CEACAM21: variants seen among roughly 807,000 people sequenced by gnomAD.
CEACAM21 encodes CEA cell adhesion molecule 21.
Under a neutral mutation model 33.2 loss-of-function variants are expected in CEACAM21, and 38 were observed. That is an observed-to-expected ratio of 1.14 (90% CI 0.88 to 1.50). The LOEUF is 1.50. Among genes scored for constraint, CEACAM21 ranks in the 40% most tolerant of loss-of-function variants. The pLI is 0.00. For synonymous variants in CEACAM21, 156 were observed against 143.0 expected, an observed-to-expected ratio of 1.09 and a Z score of -0.65; for missense variants, 385 against 364.6, an observed-to-expected ratio of 1.06 and a Z score of -0.46.
chr19:41,551,557 G>C (rs569188569), intron 1 of CEACAM21: 6 of 151,924 alleles, frequency 3.9e-5, no homozygotes, highest in African/African-American at 9.7e-5. Context: ...CCCGTGAAGT[G>C]GGGGAGGAGG....
Position 41,577,459 on chromosome 19 carries a change from T to C in CEACAM21, c.324T>C (p.His108=), listed in dbSNP as rs781850557. The C allele has an allele frequency of 9.3e-6, 15 of 1,613,940 alleles. No individual in the cohort carries two copies. Among genetic ancestry groups the C allele is most frequent in the Middle Eastern group, 3.3e-4 (2 of 6,082 alleles). ...RETISPSGDL[H]FQNVTLEDTG... ...CAATATCACCCAGTGGAGATCTGCA[T>C]TTCCAGAACGTCACCCTAGAGGACA... The change falls in exon 2 of 7, where the codon CAT becomes CAC. Residue 108 remains histidine, a synonymous_variant. Coordinates refer to ENST00000401445, the MANE Select transcript of CEACAM21 (RefSeq NM_001098506.4).
intron 1 of CEACAM21, among the ~76,000 whole-genome samples, chr19:41,560,467 T>G (rs75298386): frequency 0.03 from 4,614 of 152,222 alleles, 242 homozygotes; most frequent in African/African-American, 0.1. Flanking sequence ...TGCCCCGGCC[T>G]CCATTAGGGC....
Position 41,579,582 on chromosome 19 carries a change from C to T in CEACAM21, c.654C>T (p.Asn218=), listed in dbSNP as rs2043216934. The change falls in exon 3 of 7, where the codon AAC becomes AAT. Residue 218 remains asparagine, a synonymous_variant. Transcript: ENST00000401445. ...GGGAGTATCAGTGTGAGGTCTCCAA[C>T]CCAGTCAGCTCCAACAGGAGCGACC... ...DAGEYQCEVS[N]PVSSNRSDPL... is the part of the protein sequence containing the mutation. 3 of 1,591,826 alleles carry T rather than the reference C, an allele frequency of 1.9e-6. No individual in the cohort carries two copies. The African/African-American group carries it at 4.0e-5, about 21-fold the overall frequency.
At chr19:41,572,721 G>A (rs1191584488), upstream of CEACAM21, among the ~76,000 whole-genome samples, 2 of 152,152 alleles carry the variant, frequency 1.3e-5, no homozygotes, top group Non-Finnish European at 2.9e-5. Flanking sequence ...TGTGCACTGT[G>A]AGCATAGAAT....
chr19:41,564,331 A>ATTAT (rs60410378), intron 1 of CEACAM21, among the ~76,000 whole-genome samples: 14,026 of 148,294 alleles, frequency 0.095, 742 homozygotes, highest in South Asian at 0.11. Context: ...TGAGTTATTT[A>ATTAT]TTATTTATTT....
At chr19:41,574,799 A>G (rs2042827679), upstream of CEACAM21, among the ~76,000 whole-genome samples, 2 of 152,210 alleles carry the variant, frequency 1.3e-5, no homozygotes, top group African/African-American at 4.8e-5. Context: ...AAAAACTTAA[A>G]CATAGAACTA....
chr19:41,586,392 G>T (rs2070737979), intron 6 of CEACAM21, 72 bp from the exon 7 acceptor site: 2 of 613,332 alleles, frequency 3.3e-6, no homozygotes, highest in South Asian at 2.7e-5. Flanking sequence ...GCCCTGGGTG[G>T]GCCCAGAGAG....
At chr19:41,568,074 T>C (rs1203983141) in intron 2 of CEACAM21, among the ~76,000 whole-genome samples, 3 of 152,154 alleles carry the variant, frequency 2.0e-5, no homozygotes, top group Non-Finnish European at 2.9e-5. Flanking sequence ...CCTTTGAGGA[T>C]GGGACTGTGG....
intron 1 of CEACAM21, among the ~76,000 whole-genome samples, chr19:41,553,413 C>T (rs1268564671): frequency 6.6e-6 from 1 of 152,008 alleles, no homozygotes; most frequent in Non-Finnish European, 1.5e-5. Context: ...CCCAGTTTCC[C>T]GTTTTTACTA....
chr19:41,563,652 C>T (rs2042048149), intron 1 of CEACAM21, among the ~76,000 whole-genome samples: 1 of 152,240 alleles, frequency 6.6e-6, no homozygotes, highest in African/African-American at 2.4e-5. Context: ...AGATCCCATC[C>T]AGGGAGCTGC....
At chr19:41,578,544 A>G (rs2040885421) in intron 2 of CEACAM21, among the ~76,000 whole-genome samples, 1 of 152,182 alleles carries the variant, frequency 6.6e-6, no homozygotes, top group Non-Finnish European at 1.5e-5. Context: ...GGTCGTGGCC[A>G]CCACCGTGGG....
At chr19:41,560,983 A>G (rs1487241636) in intron 1 of CEACAM21, among the ~76,000 whole-genome samples, 4 of 152,240 alleles carry the variant, frequency 2.6e-5, no homozygotes, top group Non-Finnish European at 5.9e-5. Flanking sequence ...AAAATATAAA[A>G]TAAAAGGTCC....
At chr19:41,557,514 G>A (rs1555785817) in intron 1 of CEACAM21, among the ~76,000 whole-genome samples, 3 of 152,156 alleles carry the variant, frequency 2.0e-5, no homozygotes, top group African/African-American at 7.2e-5. Context: ...GTGAGGACCA[G>A]AGCTGTGAAC....
In CEACAM21 at chr19:41,579,548, A is replaced by C; in HGVS notation, c.620A>C (p.Glu207Ala). Residue 207 changes from glutamate to alanine, a missense_variant, in exon 3 of 7, where the codon GAG becomes GCG. Glu to Ala is a moderately radical substitution (Grantham distance 107). Coordinates refer to ENST00000401445, the MANE Select transcript of CEACAM21 (RefSeq NM_001098506.4). ...CTCACCATAGACCCCATCAGGCAGGAGGACGCTGGGGAGTATCAGTGTGAG... is the reference window on the plus strand; with the variant it reads ...CTCACCATAGACCCCATCAGGCAGGCGGACGCTGGGGAGTATCAGTGTGAG... ...HVLTIDPIRQ[E>A]DAGEYQCEVS... 1.9e-6 allele frequency: 3 copies of C among 1,610,196 alleles called. No individual in the cohort carries two copies. The highest frequency in any genetic ancestry group is 2.5e-6 in the Non-Finnish European group (3 of 1,178,050).
intron 2 of CEACAM21, 159 bp from the exon 3 acceptor site, chr19:41,579,194 C>T: frequency 8.4e-7 from 1 of 1,193,506 alleles, no homozygotes. Context: ...CACTGTAGTC[C>T]CTACTGCTCG....
intron 1 of CEACAM21, 86 bp from the exon 2 acceptor site, chr19:41,577,114 G>A: frequency 1.4e-6 from 2 of 1,465,162 alleles, no homozygotes; most frequent in East Asian, 2.3e-5. Flanking sequence ...CTAAGGCTGA[G>A]GGGTGAAGAG....
At chr19:41,564,158 C>A (rs12983999) in intron 1 of CEACAM21, among the ~76,000 whole-genome samples, 1 of 151,670 alleles carries the variant, frequency 6.6e-6, no homozygotes, top group South Asian at 2.1e-4. Flanking sequence ...AACCCACAGA[C>A]AGGGATGAAA....
chr19:41,556,059 AAGG>A (rs1265741682), intron 1 of CEACAM21, among the ~76,000 whole-genome samples: 4 of 152,246 alleles, frequency 2.6e-5, no homozygotes, highest in Non-Finnish European at 5.9e-5. Context: ...TGGACTCCAC[AAGG>A]AGAACAGGAG....
At chr19:41,584,582 G>T in intron 4 of CEACAM21, 139 bp downstream of exon 4, 1 of 747,356 alleles carries the variant, frequency 1.3e-6, no homozygotes, top group South Asian at 1.7e-5. Flanking sequence ...TCATTCCATG[G>T]CACCTTCCTC....
Sources: allele counts gnomAD v4.1 joint callset (sites outside exome capture counted in the v4.1 genomes callset), GRCh38; gene constraint gnomAD v4.1.1; transcripts MANE v1.5; gene names NCBI Gene and HGNC (gene_info 2026-07-23, HGNC 2026-07-21).